Variants in SIRT5 observed in about 807,000 individuals in gnomAD.
The protein encoded by SIRT5 is NAD-dependent protein deacylase sirtuin-5, mitochondrial.
Under a neutral mutation model 40.0 loss-of-function variants are expected in SIRT5, and 26 were observed. That is an observed-to-expected ratio of 0.65 (90% confidence interval 0.48 to 0.90). The LOEUF is 0.90. Among genes scored for constraint, SIRT5 ranks in the 40% least tolerant of loss-of-function variants. The pLI is 0.00. For synonymous variants in SIRT5, 146 were observed against 149.1 expected, an observed-to-expected ratio of 0.98 and a Z score of 0.15; for missense variants, 401 against 402.4, an observed-to-expected ratio of 1.00 and a Z score of 0.03.
At chr6:13,598,478 G>GA (rs1761899788) in intron 7 of SIRT5, among the ~76,000 whole-genome samples, 1 of 152,146 alleles carries the variant, frequency 6.6e-6, no homozygotes, top group African/African-American at 2.4e-5. Flanking sequence ...AATGAACTGG[G>GA]AAAGCTTAGC....
intron 7 of SIRT5, 58 bp downstream of exon 7, chr6:13,597,074 A>AG: frequency 1.5e-6 from 2 of 1,323,664 alleles, no homozygotes; most frequent in Non-Finnish European, 2.1e-6. Flanking sequence ...AAAAAAAAAA[A>AG]CAGACATCAA....
intron 8 of SIRT5, among the ~76,000 whole-genome samples, 183 bp from the exon 9 acceptor site, chr6:13,600,651 T>C (rs533545618): frequency 6.6e-6 from 1 of 152,366 alleles, no homozygotes; most frequent in Admixed American, 6.5e-5. Flanking sequence ...ATTCTAGTGA[T>C]TGATCAAAGG....
At chr6:13,580,540 A>C (rs935486488) in intron 2 of SIRT5, among the ~76,000 whole-genome samples, 1 of 152,178 alleles carries the variant, frequency 6.6e-6, no homozygotes, top group South Asian at 2.1e-4. Context: ...GGTCTCAAAA[A>C]CTATGTAGCC....
At chr6:13,580,587 C>G (rs1470363402) in intron 2 of SIRT5, among the ~76,000 whole-genome samples, 1 of 152,050 alleles carries the variant, frequency 6.6e-6, no homozygotes, top group Non-Finnish European at 1.5e-5. Context: ...CATAATGCTT[C>G]TCTGTCTCTC....
intron 9 of SIRT5, among the ~76,000 whole-genome samples, chr6:13,608,585 T>TAAA (rs751373309): frequency 7.3e-6 from 1 of 137,674 alleles, no homozygotes; most frequent in Non-Finnish European, 1.6e-5. Context: ...GACTCTGTCT[T>TAAA]AAAAAAAAAA....
At position 13,584,154 on chromosome 6, in the gene SIRT5, T is replaced by C. The variant is rs200688934; in HGVS notation, c.44T>C (p.Leu15Pro). 5.1e-5 allele frequency: 83 copies of C among 1,614,188 alleles called. No homozygotes were observed. The highest frequency in any genetic ancestry group is 2.9e-5 in the Non-Finnish European group (34 of 1,180,032). The change falls in exon 3 of 10, where the codon CTA becomes CCA. Residue 15 changes from leucine to proline, a missense_variant. Coordinates refer to ENST00000606117, the MANE Select transcript of SIRT5 (RefSeq NM_012241.5). The part of the protein sequence containing the change: ...QIVPSRLISQ[L>P]YCGLKPPAST... ...GTCCCAAGTCGATTGATTTCCCAGC[T>C]ATATTGTGGCCTGAAGCCTCCAGCG...
chr6:13,598,614 G>C (rs1028713546), intron 7 of SIRT5, among the ~76,000 whole-genome samples: 1 of 152,168 alleles, frequency 6.6e-6, no homozygotes, highest in Non-Finnish European at 1.5e-5. Context: ...CAGATCACCT[G>C]AGGTCAGCAG....
chr6:13,605,559 C>T, intron 9 of SIRT5: 1 of 985,422 alleles, frequency 1.0e-6, no homozygotes, highest in Non-Finnish European at 1.2e-6. Context: ...TTCTTTGCCC[C>T]AGTTCTAATC....
At chr6:13,583,741 A>G (rs1759681676) in intron 2 of SIRT5, among the ~76,000 whole-genome samples, 1 of 152,220 alleles carries the variant, frequency 6.6e-6, no homozygotes, top group African/African-American at 2.4e-5. Context: ...CTGATTCAGC[A>G]GCTCTGAGGT....
chr6:13,598,194 A>G (rs1761853578), intron 7 of SIRT5, among the ~76,000 whole-genome samples: 1 of 152,206 alleles, frequency 6.6e-6, no homozygotes, highest in Admixed American at 6.5e-5. Context: ...GATTCCTGTG[A>G]TGCAGGAGAT....
chr6:13,591,363 TC>T (rs1760878603), intron 4 of SIRT5, among the ~76,000 whole-genome samples: 1 of 152,240 alleles, frequency 6.6e-6, no homozygotes, highest in Non-Finnish European at 1.5e-5. Flanking sequence ...TCCTGCATGT[TC>T]CTTTACTTCA....
intron 7 of SIRT5, 77 bp downstream of exon 7, chr6:13,597,093 C>T: frequency 2.5e-6 from 3 of 1,177,534 alleles, no homozygotes; most frequent in South Asian, 2.7e-5. Context: ...AAAACCTAAA[C>T]ATGTATTTGG....
chr6:13,581,702 C>T (rs952921065), intron 2 of SIRT5, among the ~76,000 whole-genome samples: 3 of 152,182 alleles, frequency 2.0e-5, no homozygotes, highest in Admixed American at 2.0e-4. Context: ...AGTCTTGAGC[C>T]TGGCACTATC....
chr6:13,600,105 G>A (rs1762166976), intron 8 of SIRT5, among the ~76,000 whole-genome samples: 1 of 152,212 alleles, frequency 6.6e-6, no homozygotes, highest in Non-Finnish European at 1.5e-5. Flanking sequence ...AGAAATCTTA[G>A]CATGCTCTTC....
At chr6:13,585,807 G>A (rs1413150417) in intron 3 of SIRT5, among the ~76,000 whole-genome samples, 1 of 152,074 alleles carries the variant, frequency 6.6e-6, no homozygotes, top group Non-Finnish European at 1.5e-5. Context: ...AGATCCTTGG[G>A]GAATTGCCAC....
At chr6:13,577,379 CTG>C (rs1758762758) in intron 1 of SIRT5, among the ~76,000 whole-genome samples, 1 of 151,956 alleles carries the variant, frequency 6.6e-6, no homozygotes, top group South Asian at 2.1e-4. Flanking sequence ...TTAAATTTAC[CTG>C]AAGTGGTTTT....
At chr6:13,601,453 G>T (rs568118750) in intron 9 of SIRT5, among the ~76,000 whole-genome samples, 2 of 151,798 alleles carry the variant, frequency 1.3e-5, no homozygotes, top group Non-Finnish European at 2.9e-5. Flanking sequence ...GTCATAGTAT[G>T]CATTTTTAGT....
chr6:13,596,903 GTTTC>G (rs1761636412), intron 6 of SIRT5, 56 bp from the exon 7 acceptor site: 1 of 1,368,148 alleles, frequency 7.3e-7, no homozygotes, highest in South Asian at 1.2e-5. Context: ...GAGTTATGTT[GTTTC>G]TTTATTTTTT....
At position 13,610,392 on chromosome 6, in the gene SIRT5, C is replaced by T. The variant is rs570203908; in HGVS notation, c.858-1398C>T. ...CGATCTATTCACTGAAAATCCTTTC[C>T]GACCCTCTTTCAACTTTATTGAAAG... On this transcript the variant is annotated intron_variant, in intron 9 of 9. Transcript: ENST00000606117. Among the ~76,000 whole-genome samples the T allele has an allele frequency of 6.6e-5, 10 of 152,206 alleles. No homozygotes were observed. The South Asian group carries it at 8.3e-4, about 13-fold the overall frequency.
Sources: allele counts gnomAD v4.1 joint callset (sites outside exome capture counted in the v4.1 genomes callset), GRCh38; gene constraint gnomAD v4.1.1; transcripts MANE v1.5; gene names NCBI Gene and HGNC (gene_info 2026-07-23, HGNC 2026-07-21).